Variants in TRANK1 observed in about 807,000 individuals in gnomAD.
The protein encoded by TRANK1 is tetratricopeptide repeat and ankyrin repeat containing 1.
Under a neutral mutation model 266.0 loss-of-function variants are expected in TRANK1, and 198 were observed. That is an observed-to-expected ratio of 0.74 (90% CI 0.66 to 0.84). The LOEUF is 0.84. Ranked by LOEUF, TRANK1 falls within the 40% of genes least tolerant of loss-of-function variation. The probability of loss-of-function intolerance (pLI) is 0.00; values close to 1 mark genes in which losing one functional copy is unlikely to be tolerated. For missense variants in TRANK1, 3,326 were observed against 3,634.6 expected, an observed-to-expected ratio of 0.92 and a Z score of 2.18; for synonymous variants, 1,396 against 1,384.1, an observed-to-expected ratio of 1.01 and a Z score of -0.19.
chr3:36,864,183 T>C (rs2079181767), intron 10 of TRANK1, 136 bp downstream of exon 10: 1 of 1,002,086 alleles, frequency 1.0e-6, no homozygotes, highest in African/African-American at 1.6e-5. Context: ...CAAAGAATGC[T>C]CTGTGCTGTC....
At chr3:36,868,431 G>A (rs1399355778) in intron 9 of TRANK1, among the ~76,000 whole-genome samples, 2 of 152,112 alleles carry the variant, frequency 1.3e-5, no homozygotes, top group Admixed American at 1.3e-4. Flanking sequence ...TTCTGAAGTT[G>A]CAACCATAGT....
At chr3:36,914,450 C>CTTTTTT (rs10644293) in intron 1 of TRANK1, among the ~76,000 whole-genome samples, 1 of 137,704 alleles carries the variant, frequency 7.3e-6, no homozygotes, top group African/African-American at 2.7e-5. Flanking sequence ...TGGTGTCTTC[C>CTTTTTT]TTTTTTTTTT....
chr3:36,879,693 TATAA>T (rs2079456509), intron 8 of TRANK1, among the ~76,000 whole-genome samples: 2 of 108,320 alleles, frequency 1.8e-5, no homozygotes, highest in East Asian at 3.5e-4. Flanking sequence ...TATATAAATA[TATAA>T]ATATAAATAT....
intron 8 of TRANK1, among the ~76,000 whole-genome samples, chr3:36,888,822 C>T (rs982227099): frequency 7.9e-5 from 12 of 152,056 alleles, no homozygotes; most frequent in African/African-American, 2.9e-4. Flanking sequence ...TTTGGGAGGC[C>T]GAGGCAGGTG....
chr3:36,857,787 C>A lies in TRANK1; in HGVS notation c.1935G>T (p.Trp645Cys). ...IKKNDSLLLAWNKALMENRRR... is the reference protein window; with the variant it reads ...IKKNDSLLLACNKALMENRRR... ...TCCTGTTCTCCATCAGAGCTTTGTT[C>A]CAGGCCAAGAGCAGAGAGTCGTTCT... Residue 645 changes from tryptophan to cysteine, a missense_variant, in exon 13 of 24, where the codon TGG becomes TGT. Coordinates refer to ENST00000645898, the MANE Select transcript of TRANK1 (RefSeq NM_001329998.2). This position sits in a 1 kb window ranked among gnomAD's most constrained non-coding sequence, Gnocchi z 4.3. 6.2e-7 allele frequency: 1 copy of A among 1,613,984 alleles called. No individual in the cohort carries two copies. Among genetic ancestry groups the A allele is most frequent in the East Asian group, 2.2e-5 (1 of 44,884 alleles).
intron 5 of TRANK1, among the ~76,000 whole-genome samples, chr3:36,894,640 A>G (rs571086515): frequency 1.2e-4 from 19 of 152,284 alleles, no homozygotes; most frequent in African/African-American, 4.1e-4. Flanking sequence ...TATACACATA[A>G]TTGTCAGTGC....
chr3:36,872,740 T>C (rs1435353155), intron 9 of TRANK1, among the ~76,000 whole-genome samples: 1 of 152,098 alleles, frequency 6.6e-6, no homozygotes, highest in Non-Finnish European at 1.5e-5. Context: ...AAGAAGCTCA[T>C]CCATTTAATA....
chr3:36,857,185 A>G lies in TRANK1; in HGVS notation c.2537T>C (p.Leu846Pro). 1 of 1,613,924 alleles carries G rather than the reference A, an allele frequency of 6.2e-7. No homozygotes were observed. The change falls in exon 13 of 24, where the codon CTG (leucine) becomes CCG (proline). Residue 846 changes from leucine (L) to proline (P), a missense_variant. Leu to Pro is a moderately conservative substitution (Grantham distance 98). Coordinates refer to ENST00000645898, the MANE Select transcript of TRANK1 (RefSeq NM_001329998.2). The surrounding 1 kb of genome is among the most constrained non-coding windows in gnomAD (Gnocchi z 4.3). ...GACCTTGGTCATTACCTTACTAGACAGCTTCTTCAGCATTTCTGAAGTGCA... is the reference window on the plus strand; with the variant it reads ...GACCTTGGTCATTACCTTACTAGACGGCTTCTTCAGCATTTCTGAAGTGCA... The part of the protein sequence containing the change: ...IECTSEMLKK[L>P]SSKVMTKVIK...
chr3:36,907,358 C>T (rs975849886), intron 2 of TRANK1, among the ~76,000 whole-genome samples: 1 of 152,018 alleles, frequency 6.6e-6, no homozygotes, highest in Non-Finnish European at 1.5e-5. Flanking sequence ...CCATGTTGGC[C>T]AGGCTGGTCT....
Position 36,858,940 on chromosome 3 carries a change from G to A in TRANK1, c.1496-46C>T, listed in dbSNP as rs776342009. On this transcript the variant is annotated intron_variant, in intron 11 of 23. Transcript: ENST00000645898. ...AGCGCAATGTGAGCAGGCACAGCCT[G>A]GCTCGCCTGACGAGAGAAGGAATGC... is the stretch of plus-strand genomic sequence containing the variant. 3.1e-5 allele frequency: 45 copies of A among 1,473,374 alleles called. 1 individual carries two copies. In the South Asian group the frequency reaches 5.5e-4, roughly 18 times the overall value. The allele number at this position is 1,473,374 out of a possible 1,614,324, so 91.3% of individuals were successfully genotyped here. A position where few individuals can be genotyped will look rare whatever the true frequency, so the allele number is the denominator to read the frequency against.
At chr3:36,839,191 T>G (rs1368866039) in intron 18 of TRANK1, among the ~76,000 whole-genome samples, 2 of 152,120 alleles carry the variant, frequency 1.3e-5, no homozygotes, top group African/African-American at 4.8e-5. Flanking sequence ...GAAATGGGGA[T>G]AAAGATGGTA....
At chr3:36,889,768 G>A in intron 8 of TRANK1, 61 bp downstream of exon 8, 1 of 1,476,358 alleles carries the variant, frequency 6.8e-7, no homozygotes, top group South Asian at 1.3e-5. Flanking sequence ...CGGTGGTGTG[G>A]GTCCTCAAAG....
intron 8 of TRANK1, among the ~76,000 whole-genome samples, chr3:36,874,633 A>G (rs938026344): frequency 6.6e-6 from 1 of 152,202 alleles, no homozygotes; most frequent in Non-Finnish European, 1.5e-5. Flanking sequence ...CTGTGACTTC[A>G]GATTTCTTTA....
intron 10 of TRANK1, among the ~76,000 whole-genome samples, chr3:36,861,573 G>C (rs180985164): frequency 2.0e-5 from 3 of 152,238 alleles, no homozygotes; most frequent in African/African-American, 7.2e-5. Flanking sequence ...GTAACCATGA[G>C]AGGATGGCTT....
At chr3:36,841,275 C>G (rs2078840426) in intron 18 of TRANK1, among the ~76,000 whole-genome samples, 1 of 152,214 alleles carries the variant, frequency 6.6e-6, no homozygotes, top group Admixed American at 6.5e-5. Context: ...GATACTTTTC[C>G]TGTAACATTT....
chr3:36,890,774 T>C (rs1395588362), intron 7 of TRANK1, among the ~76,000 whole-genome samples: 1 of 152,198 alleles, frequency 6.6e-6, no homozygotes, highest in Admixed American at 6.5e-5. Flanking sequence ...CTGCCAACTC[T>C]TTGGATGCCA....
chr3:36,911,340 T>C (rs1488260501), intron 1 of TRANK1, among the ~76,000 whole-genome samples: 1 of 152,240 alleles, frequency 6.6e-6, no homozygotes, highest in Non-Finnish European at 1.5e-5. Context: ...CTTGATTTTC[T>C]GAATTTCCAA....
rs780827513 is a variant in TRANK1, at chr3:36,856,716, G to C, written c.3006C>G (p.Ala1002=). Residue 1002 remains alanine (A), a synonymous_variant, in exon 13 of 24, where the codon GCC becomes GCG. Coordinates refer to ENST00000645898, the MANE Select transcript of TRANK1 (RefSeq NM_001329998.2). ...GATTGACATGCTCCCTGCCCTTCTCGGCCTCTGTGTCCTCCACATAGCAGC... is the reference window on the plus strand; with the variant it reads ...GATTGACATGCTCCCTGCCCTTCTCCGCCTCTGTGTCCTCCACATAGCAGC... ...IPRCYVEDTE[A]EKGREHVNPE... is the part of the protein sequence containing the mutation. 4 of 1,613,958 alleles carry C rather than the reference G, an allele frequency of 2.5e-6. No individual in the cohort carries two copies. Among genetic ancestry groups the C allele is most frequent in the South Asian group, 1.1e-5 (1 of 91,074 alleles).
chr3:36,855,559 C>A lies in TRANK1; in HGVS notation c.4163G>T (p.Arg1388Leu). 3 of 1,613,748 alleles carry A rather than the reference C, an allele frequency of 1.9e-6. No homozygotes were observed. Among genetic ancestry groups the A allele is most frequent in the Non-Finnish European group, 2.5e-6 (3 of 1,179,844 alleles). ...ACTGAAGAGGCTGTAGATCTCACTC[C>A]GGTCTTCCTTGAAATTGGGGCACCG... ...RKRCPNFKED[R>L]SEIYSLFSLY... Residue 1388 changes from arginine to leucine, a missense_variant, in exon 13 of 24, where the codon CGG becomes CTG. Arg to Leu is a moderately radical substitution (Grantham distance 102, BLOSUM62 -2). Coordinates refer to ENST00000645898, the MANE Select transcript of TRANK1 (RefSeq NM_001329998.2).
Sources: allele counts gnomAD v4.1 joint callset (sites outside exome capture counted in the v4.1 genomes callset), GRCh38; gene constraint gnomAD v4.1.1; non-coding constraint Gnocchi (gnomAD v3.1); transcripts MANE v1.5; gene names NCBI Gene and HGNC (gene_info 2026-07-23, HGNC 2026-07-21).